FNDC8: variants seen among roughly 807,000 people sequenced by gnomAD.
FNDC8 encodes the protein fibronectin type III domain containing 8, also known as fibronectin type III domain-containing protein 8.
In FNDC8, 23 loss-of-function variants were observed where a neutral mutation model predicts 24.8. The observed-to-expected ratio is 0.93, with a 90% CI of 0.67 to 1.31. The LOEUF (loss-of-function observed/expected upper bound fraction) is 1.31. FNDC8 is among the 40% of genes most tolerant of loss of function. FNDC8 has a pLI of 0.00. For synonymous variants in FNDC8, 158 were observed against 165.3 expected (o/e 0.96, Z 0.34); for missense variants, 371 against 398.2 (o/e 0.93, Z 0.58).
At position 35,129,618 on chromosome 17, in the gene FNDC8, C is replaced by T; in HGVS notation, c.782C>T (p.Ala261Val). 6.2e-7 allele frequency: 1 copy of T among 1,614,126 alleles called. No individual in the cohort carries two copies. Among genetic ancestry groups the T allele is most frequent in the Non-Finnish European group, 8.5e-7 (1 of 1,180,030 alleles). ...NTCYCLSVRA[A>V]NTAGVGKWCK... ...TGTTACTGCCTCAGTGTCCGTGCAG[C>T]CAACACAGCTGGGGTGGGGAAGTGG... Residue 261 changes from alanine to valine, a missense_variant, in exon 3 of 4, where the codon GCC becomes GTC. Ala to Val is a moderately conservative substitution (Grantham distance 64). Transcript: ENST00000158009.
intron 2 of FNDC8, chr17:35,129,191 G>T (rs572426164): frequency 3.6e-5 from 19 of 525,026 alleles, no homozygotes; most frequent in Middle Eastern, 5.2e-4. Context: ...TAAGAAATAT[G>T]GAATGAGGGT....
chr17:35,124,224 A>G (rs979033623), intron 1 of FNDC8, among the ~76,000 whole-genome samples: 1 of 152,224 alleles, frequency 6.6e-6, no homozygotes, highest in East Asian at 1.9e-4. Context: ...TAGTTGGTGA[A>G]GACCACTATG....
intron 2 of FNDC8, chr17:35,129,181 T>TCATTAA: frequency 2.1e-6 from 1 of 480,946 alleles, no homozygotes; most frequent in Non-Finnish European, 3.8e-6. Flanking sequence ...CCCTGGCGTA[T>TCATTAA]AAGAAATATG....
At chr17:35,128,867 C>T (rs536190052) in intron 2 of FNDC8, 9 of 175,126 alleles carry the variant, frequency 5.1e-5, no homozygotes, top group South Asian at 3.4e-4. Context: ...TTTCCTGCAA[C>T]GAGAGGGTCC....
intron 1 of FNDC8, among the ~76,000 whole-genome samples, chr17:35,124,997 G>A (rs561096941): frequency 2.0e-5 from 3 of 147,454 alleles, no homozygotes; most frequent in East Asian, 2.0e-4. Flanking sequence ...GCAGTGAGTC[G>A]AAGTCACACC....
rs763106165 is a variant in FNDC8 at position 35,127,165 on chromosome 17, AGG to A, written c.335_336del (p.Gly112AspfsTer21). 3.7e-6 allele frequency: 6 copies of A among 1,614,222 alleles called. No homozygotes were observed. Among genetic ancestry groups the A allele is most frequent in the South Asian group, 1.1e-5 (1 of 91,084 alleles). On this transcript the variant is annotated frameshift_variant, in exon 2 of 4. Coordinates refer to ENST00000158009, the MANE Select transcript of FNDC8 (RefSeq NM_017559.4). LOFTEE classifies it high-confidence loss of function. The part of the protein sequence containing the change: ...VTQPNSSFFA[G>X]MLEGELNKLS... ...CCCAGCCCAACAGCAGCTTCTTTGCAGGGATGCTGGAGGGGGAGCTGAACAAA... is the reference window on the plus strand; with the variant it reads ...CCCAGCCCAACAGCAGCTTCTTTGCAGATGCTGGAGGGGGAGCTGAACAAA...
intron 1 of FNDC8, among the ~76,000 whole-genome samples, chr17:35,123,466 G>A (rs906865233): frequency 6.6e-6 from 1 of 152,122 alleles, no homozygotes; most frequent in Non-Finnish European, 1.5e-5. Context: ...GGCCAGATGG[G>A]GTAGCCCACG....
intron 3 of FNDC8, 135 bp downstream of exon 3, chr17:35,129,793 G>GCAT (rs1343069079): frequency 6.9e-7 from 1 of 1,452,042 alleles, no homozygotes; most frequent in Non-Finnish European, 9.0e-7. Flanking sequence ...GGGTCAAGAA[G>GCAT]CATCAATTCC....
intron 2 of FNDC8, among the ~76,000 whole-genome samples, chr17:35,128,206 C>T (rs983295124): frequency 6.6e-6 from 1 of 152,226 alleles, no homozygotes; most frequent in Non-Finnish European, 1.5e-5. Context: ...TTGGATGGCC[C>T]AGAGCAGTGT....
chr17:35,121,857 A>C lies in FNDC8; in HGVS notation c.164A>C (p.Lys55Thr). 1 of 1,613,738 alleles carries C rather than the reference A, an allele frequency of 6.2e-7. No individual in the cohort carries two copies. The highest frequency in any genetic ancestry group is 1.1e-5 in the South Asian group (1 of 91,070). ...VTTKGLPLASKGNLVNFLEDD... is the reference protein window; with the variant it reads ...VTTKGLPLASTGNLVNFLEDD... Reference sequence around the variant, plus strand: ...ACCAAAGGACTCCCACTAGCCTCAAAGGGCAATTTGGTCAACTTCTTGGAG... The same window carrying C: ...ACCAAAGGACTCCCACTAGCCTCAACGGGCAATTTGGTCAACTTCTTGGAG... The change falls in exon 1 of 4, where the codon AAG becomes ACG. Residue 55 changes from lysine (K) to threonine (T), a missense_variant. Transcript: ENST00000158009.
In FNDC8 at chr17:35,121,789, A is replaced by G. The variant is rs370420092; in HGVS notation, c.96A>G (p.Pro32=). The change falls in exon 1 of 4, where the codon CCA becomes CCG. Residue 32 remains proline (P), a synonymous_variant. Transcript: ENST00000158009. ...FNMMNALDQL[P]KPFSNPKSMN... ...TGATGAATGCCCTTGACCAACTGCC[A>G]AAACCCTTTTCAAACCCCAAGTCTA... 15 of 1,613,670 alleles carry G rather than the reference A, an allele frequency of 9.3e-6. No individual in the cohort carries two copies. The highest frequency in any genetic ancestry group is 3.3e-5 in the Admixed American group (2 of 59,986).
At position 35,130,699 on chromosome 17, in the gene FNDC8, G is replaced by A; in HGVS notation, c.*265G>A. ...CTCCTCCAAATCTGGGCTGGGTCTA[G>A]GTCCCTCATTAAAGAACTGCAGGTC... On this transcript the variant is annotated 3_prime_UTR_variant, in exon 4 of 4. Transcript: ENST00000158009. 1 of 455,030 alleles carries A rather than the reference G, an allele frequency of 2.2e-6. No homozygotes were observed. The highest frequency in any genetic ancestry group is 4.0e-6 in the Non-Finnish European group (1 of 253,052). 28.2% of individuals were successfully genotyped at this position (455,030 alleles called of 1,614,324 possible). A position where few individuals can be genotyped will look rare whatever the true frequency, so the allele number is the denominator to read the frequency against.
In FNDC8 at chr17:35,121,691, C is replaced by T; in HGVS notation, c.-3C>T. On this transcript the variant is annotated 5_prime_UTR_variant, in exon 1 of 4. Transcript: ENST00000158009. ...GTGACGGGTGTCATCCCGAACAAATCAGATGGCATCAGAGGCACTCCATCA... is the reference window on the plus strand; with the variant it reads ...GTGACGGGTGTCATCCCGAACAAATTAGATGGCATCAGAGGCACTCCATCA... 6.2e-7 allele frequency: 1 copy of T among 1,613,920 alleles called. No individual in the cohort carries two copies. Among genetic ancestry groups the T allele is most frequent in the Non-Finnish European group, 8.5e-7 (1 of 1,179,946 alleles).
At chr17:35,126,992 G>C (rs376116698) in intron 1 of FNDC8, 50 bp from the exon 2 acceptor site, 1 of 1,531,636 alleles carries the variant, frequency 6.5e-7, no homozygotes, top group Non-Finnish European at 8.8e-7. Flanking sequence ...GGTGGAACGG[G>C]CTGGGGTGGC....
intron 3 of FNDC8, chr17:35,130,015 G>A (rs2091866789): frequency 7.2e-7 from 1 of 1,384,850 alleles, no homozygotes; most frequent in Non-Finnish European, 9.3e-7. Flanking sequence ...GGGGGACGAA[G>A]AAGGGAACAG....
chr17:35,129,353 T>C, intron 2 of FNDC8, 69 bp from the exon 3 acceptor site: 1 of 1,563,086 alleles, frequency 6.4e-7, no homozygotes, highest in Non-Finnish European at 8.7e-7. Context: ...CTGACCCCAG[T>C]TGGGAGGGTG....
chr17:35,129,583 G>A lies in FNDC8; in HGVS notation c.747G>A (p.Lys249=). The A allele has an allele frequency of 6.2e-7, 1 of 1,614,236 alleles. No individual in the cohort carries two copies. The highest frequency in any genetic ancestry group is 1.3e-5 in the African/African-American group (1 of 75,054). ...LGTTVKLMEL[K]PNTCYCLSVR... ...CTACTGTCAAGCTGATGGAGCTAAA[G>A]CCTAACACGTGTTACTGCCTCAGTG... The change falls in exon 3 of 4, where the codon AAG becomes AAA. Residue 249 remains lysine, a synonymous_variant. Transcript: ENST00000158009.
intron 1 of FNDC8, among the ~76,000 whole-genome samples, chr17:35,126,052 C>T (rs2091848097): frequency 6.6e-6 from 1 of 152,094 alleles, no homozygotes; most frequent in African/African-American, 2.4e-5. Context: ...TTCCAAGTAG[C>T]TGGAATTACA....
chr17:35,121,945 C>A, intron 1 of FNDC8, 43 bp downstream of exon 1: 1 of 1,229,842 alleles, frequency 8.1e-7, no homozygotes, highest in Non-Finnish European at 1.2e-6. Flanking sequence ...CTCCCTCCCT[C>A]CCTTCCTTCC....
Sources: gnomAD v4.1 joint callset for allele counts (sites outside exome capture counted in the v4.1 genomes callset) on GRCh38, gnomAD v4.1.1 for gene constraint, MANE v1.5 for transcripts, NCBI Gene and HGNC (gene_info 2026-07-23, HGNC 2026-07-21) for gene names.